Variants in OXSR1 observed in about 807,000 individuals in gnomAD.
OXSR1 encodes the protein serine/threonine-protein kinase OSR1.
OXSR1 carries 24 observed loss-of-function variants against 79.8 expected under a neutral mutation model. The observed-to-expected ratio is 0.30, with a 90% CI of 0.22 to 0.42. The LOEUF (loss-of-function observed/expected upper bound fraction) is 0.42, where lower values mean the gene tolerates loss of function less well. Ranked by LOEUF, OXSR1 falls within the 10% of genes least tolerant of loss-of-function variation. The pLI is 1.00. For missense variants in OXSR1, 430 were observed against 618.4 expected, an observed-to-expected ratio of 0.70 and a Z score of 3.23; for synonymous variants, 226 against 209.2, an observed-to-expected ratio of 1.08 and a Z score of -0.69.
In OXSR1 at chr3:38,165,596, T is replaced by A; in HGVS notation, c.-281T>A. 1 of 420,802 alleles carries A rather than the reference T, an allele frequency of 2.4e-6. No homozygotes were observed. The highest frequency in any genetic ancestry group is 4.3e-6 in the Non-Finnish European group (1 of 233,852). 26.1% of individuals were successfully genotyped at this position (420,802 alleles called of 1,614,324 possible). ...AGAGGGGCTGGGCCCAGGCAAAGCT[T>A]CTGTCGCTGCTGCTGCGGAGGCCGA... On this transcript the variant is annotated 5_prime_UTR_variant, in exon 1 of 18. Transcript: ENST00000311806.
At chr3:38,170,731 C>T (rs1298201371) in intron 1 of OXSR1, among the ~76,000 whole-genome samples, 3 of 152,140 alleles carry the variant, frequency 2.0e-5, no homozygotes, top group African/African-American at 7.2e-5. Context: ...TTGATTCGTT[C>T]TTGGATATAA....
At chr3:38,240,302 C>T (rs1020716425) in intron 11 of OXSR1, among the ~76,000 whole-genome samples, 1 of 152,076 alleles carries the variant, frequency 6.6e-6, no homozygotes. Context: ...GAGTAAATGT[C>T]TCAATGTTCT....
At chr3:38,193,645 CCT>C (rs1258609430) in intron 3 of OXSR1, among the ~76,000 whole-genome samples, 1 of 146,464 alleles carries the variant, frequency 6.8e-6, no homozygotes, top group Non-Finnish European at 1.5e-5. Context: ...AATTCCTGTT[CCT>C]CTCTCAGTGA....
At chr3:38,196,181 C>A (rs772952105) in intron 3 of OXSR1, among the ~76,000 whole-genome samples, 1 of 152,164 alleles carries the variant, frequency 6.6e-6, no homozygotes, top group Non-Finnish European at 1.5e-5. Flanking sequence ...ATACTACATA[C>A]GCGGTTATAA....
chr3:38,208,318 A>C (rs1230035746), intron 4 of OXSR1, among the ~76,000 whole-genome samples: 1 of 152,146 alleles, frequency 6.6e-6, no homozygotes, highest in Non-Finnish European at 1.5e-5. Context: ...TTCTCGACTT[A>C]GGATGGGTTT....
At chr3:38,179,204 T>C (rs13314048) in intron 1 of OXSR1, among the ~76,000 whole-genome samples, 1,608 of 152,150 alleles carry the variant, frequency 0.011, 31 homozygotes, top group African/African-American at 0.036. Flanking sequence ...GTAAATTTTG[T>C]ATTTTTGTAG....
chr3:38,198,276 T>G (rs35678856), intron 3 of OXSR1, among the ~76,000 whole-genome samples: 135 of 152,362 alleles, frequency 8.9e-4, no homozygotes, highest in African/African-American at 3.2e-3. Context: ...TGTATGTATG[T>G]GATCCTTACC....
At chr3:38,196,547 T>A (rs1702075921) in intron 3 of OXSR1, among the ~76,000 whole-genome samples, 1 of 152,108 alleles carries the variant, frequency 6.6e-6, no homozygotes, top group Non-Finnish European at 1.5e-5. Flanking sequence ...AGAAGAAGGG[T>A]TTCTTCTATA....
chr3:38,164,136 C>T (rs1477021857), upstream of OXSR1, among the ~76,000 whole-genome samples: 1 of 152,136 alleles, frequency 6.6e-6, no homozygotes, highest in Non-Finnish European at 1.5e-5. Context: ...AAAAGGGGTC[C>T]CTGCTCCGTC....
At chr3:38,170,857 A>G (rs1315916414) in intron 1 of OXSR1, among the ~76,000 whole-genome samples, 1 of 152,036 alleles carries the variant, frequency 6.6e-6, no homozygotes, top group Non-Finnish European at 1.5e-5. Context: ...TCACTGTCTC[A>G]CTGTATGAAC....
chr3:38,251,130 G>A (rs1703247255), intron 15 of OXSR1, among the ~76,000 whole-genome samples: 1 of 152,142 alleles, frequency 6.6e-6, no homozygotes, highest in African/African-American at 2.4e-5. Flanking sequence ...TAGCCCTAGA[G>A]ATGTTCAGTA....
At chr3:38,180,254 T>G (rs1044124330) in intron 1 of OXSR1, among the ~76,000 whole-genome samples, 4 of 152,192 alleles carry the variant, frequency 2.6e-5, no homozygotes, top group African/African-American at 9.7e-5. Flanking sequence ...AAAAAATCTT[T>G]AAGTGGACTC....
chr3:38,252,702 A>G, intron 17 of OXSR1, 115 bp from the exon 18 acceptor site: 1 of 771,908 alleles, frequency 1.3e-6, no homozygotes, highest in East Asian at 2.6e-5. Flanking sequence ...TCCTATTTGT[A>G]TCCTAGGGAC....
At chr3:38,197,914 C>T (rs1299308774) in intron 3 of OXSR1, among the ~76,000 whole-genome samples, 4 of 152,172 alleles carry the variant, frequency 2.6e-5, no homozygotes, top group African/African-American at 4.8e-5. Context: ...ATGTTCTAGA[C>T]TTCTTGGCAC....
chr3:38,236,624 A>G, intron 10 of OXSR1: 1 of 338,388 alleles, frequency 3.0e-6, no homozygotes, highest in East Asian at 4.5e-5. Flanking sequence ...GGCTCAGAGT[A>G]TAGAAGTACA....
chr3:38,200,482 C>A (rs1258463556), intron 4 of OXSR1, among the ~76,000 whole-genome samples: 3 of 152,062 alleles, frequency 2.0e-5, no homozygotes, highest in African/African-American at 4.8e-5. Flanking sequence ...TTTCAGAGTT[C>A]TTTTATGATT....
intron 8 of OXSR1, among the ~76,000 whole-genome samples, chr3:38,225,703 A>G (rs1003287638): frequency 6.6e-6 from 1 of 152,186 alleles, no homozygotes; most frequent in Non-Finnish European, 1.5e-5. Context: ...TATCCAACTT[A>G]AAGATTCTCA....
At chr3:38,203,300 G>GC (rs1172621409) in intron 4 of OXSR1, among the ~76,000 whole-genome samples, 11 of 152,128 alleles carry the variant, frequency 7.2e-5, no homozygotes, top group South Asian at 2.1e-4. Context: ...TCCTTACCCT[G>GC]CCCCCCTTGT....
rs35081111 is a variant in OXSR1, at chr3:38,180,525, CT to C, written c.71-2454del. Among the ~76,000 whole-genome samples the C allele has an allele frequency of 5.2e-3, 563 of 108,974 alleles. 2 individuals carry two copies. Among genetic ancestry groups the C allele is most frequent in the South Asian group, 9.9e-3 (34 of 3,450 alleles). 71.5% of individuals were successfully genotyped at this position (108,974 alleles called of 152,430 possible). On this transcript the variant is annotated intron_variant, in intron 1 of 17. Coordinates refer to ENST00000311806, the MANE Select transcript of OXSR1 (RefSeq NM_005109.3). ...CTGGCTCATGTCTGTATAGCTCCAACTTTTTTTTTTTTTTTTTTTTTTTTGA... is the reference window on the plus strand; with the variant it reads ...CTGGCTCATGTCTGTATAGCTCCAACTTTTTTTTTTTTTTTTTTTTTTTGA...
Sources: gnomAD v4.1 joint callset for allele counts (sites outside exome capture counted in the v4.1 genomes callset) on GRCh38, gnomAD v4.1.1 for gene constraint, MANE v1.5 for transcripts, NCBI Gene and HGNC (gene_info 2026-07-23, HGNC 2026-07-21) for gene names.